Variants in CDON observed in about 807,000 individuals in gnomAD.
CDON encodes the protein cell adhesion associated, oncogene regulated, also known as cell adhesion molecule-related/down-regulated by oncogenes.
A neutral mutation model predicts 120.9 loss-of-function variants in CDON; 73 were observed. The ratio of observed to expected loss-of-function variants is 0.60; its 90% confidence interval spans 0.50 to 0.73. The LOEUF (loss-of-function observed/expected upper bound fraction) is 0.73. Ranked by LOEUF, CDON falls within the 30% of genes least tolerant of loss-of-function variation. CDON has a pLI of 0.00. For synonymous variants in CDON, 566 were observed against 573.5 expected, an observed-to-expected ratio of 0.99 and a Z score of 0.19; for missense variants, 1,470 against 1,587.3, an observed-to-expected ratio of 0.93 and a Z score of 1.26.
chr11:126,011,403 C>G (rs1380036829), intron 7 of CDON, among the ~76,000 whole-genome samples: 2 of 152,200 alleles, frequency 1.3e-5, no homozygotes, highest in Admixed American at 1.3e-4. Flanking sequence ...ACAACTGATA[C>G]CGGATTTCTG....
chr11:126,048,808 A>G (rs992320618), intron 1 of CDON, among the ~76,000 whole-genome samples: 6 of 152,156 alleles, frequency 3.9e-5, no homozygotes, highest in Admixed American at 3.9e-4. Context: ...GGTTCAAGCA[A>G]TTCTCCTGCC....
At chr11:125,971,149 C>A (rs533996767) in intron 18 of CDON, among the ~76,000 whole-genome samples, 1 of 151,986 alleles carries the variant, frequency 6.6e-6, no homozygotes, top group Non-Finnish European at 1.5e-5. Flanking sequence ...TTTGGGGGGC[C>A]AAGGCGGGCG....
intron 18 of CDON, among the ~76,000 whole-genome samples, chr11:125,976,934 T>A (rs769134820): frequency 5.9e-5 from 9 of 152,174 alleles, no homozygotes; most frequent in Admixed American, 2.0e-4. Flanking sequence ...AGACCAGAGA[T>A]CCTGTCGTTA....
intron 1 of CDON, among the ~76,000 whole-genome samples, chr11:126,030,374 A>G (rs1947911372): frequency 6.6e-6 from 1 of 152,204 alleles, no homozygotes; most frequent in Non-Finnish European, 1.5e-5. Flanking sequence ...TTTCATAAGG[A>G]TGATGAAGGC....
chr11:126,056,277 T>C (rs1160982365), intron 1 of CDON, among the ~76,000 whole-genome samples: 1 of 152,200 alleles, frequency 6.6e-6, no homozygotes, highest in Non-Finnish European at 1.5e-5. Context: ...TGAGGACGCC[T>C]ATAGATCAAA....
intron 1 of CDON, among the ~76,000 whole-genome samples, chr11:126,053,600 C>T (rs558062322): frequency 9.8e-5 from 15 of 152,286 alleles, no homozygotes; most frequent in Non-Finnish European, 1.8e-4. Context: ...CATACATAAT[C>T]ACATTCAGAC....
At chr11:126,031,832 C>T (rs1947952559) in intron 1 of CDON, among the ~76,000 whole-genome samples, 1 of 152,206 alleles carries the variant, frequency 6.6e-6, no homozygotes, top group Admixed American at 6.5e-5. Context: ...TCTACACCAC[C>T]CGTGAAGGAA....
intron 16 of CDON, among the ~76,000 whole-genome samples, chr11:125,982,574 GT>G (rs1463379600): frequency 6.6e-6 from 1 of 152,150 alleles, no homozygotes; most frequent in African/African-American, 2.4e-5. Flanking sequence ...GAGGGCAGAG[GT>G]GGTGTTTATT....
chr11:125,980,213 C>A (rs567092583), intron 17 of CDON, among the ~76,000 whole-genome samples: 1 of 152,130 alleles, frequency 6.6e-6, no homozygotes, highest in Non-Finnish European at 1.5e-5. Flanking sequence ...GAGAACCCCA[C>A]GTAAGTCTAA....
chr11:126,046,684 C>G (rs2134875394), intron 1 of CDON, among the ~76,000 whole-genome samples: 1 of 152,162 alleles, frequency 6.6e-6, no homozygotes, highest in Non-Finnish European at 1.5e-5. Flanking sequence ...TTACTAAATC[C>G]CAATCTTCAA....
At position 126,010,531 on chromosome 11, in the gene CDON, T is replaced by A; in HGVS notation, c.1362A>T (p.Arg454Ser). ...LITSHPSQVL[R>S]SKSRKSQLSR... ...ATAACTGTGATTTTCGGGATTTCGA[T>A]CTCAGGACTTGAGATGGATGGCTGG... The change falls in exon 8 of 20, where the codon AGA (arginine) becomes AGT (serine). Residue 454 changes from arginine (R) to serine (S), a missense_variant. Transcript: ENST00000531738. 1.2e-6 allele frequency: 2 copies of A among 1,614,134 alleles called. No homozygotes were observed. Among genetic ancestry groups the A allele is most frequent in the South Asian group, 2.2e-5 (2 of 91,086 alleles).
rs113204735 is a variant in CDON, at chr11:126,000,510, G to T, written c.2158+1209C>A. On this transcript the variant is annotated intron_variant, in intron 11 of 19. Transcript: ENST00000531738. ...GGCGTGAGCCACTGTGCACCACCAT[G>T]CTAGGCCTATATTGTAAACTTCTTA... Among the ~76,000 whole-genome samples the T allele has an allele frequency of 3.2e-3, 489 of 152,312 alleles. 9 individuals are homozygous for T. Among genetic ancestry groups the T allele is most frequent in the African/African-American group, 0.011 (469 of 41,580 alleles).
In CDON at chr11:126,016,857, C is replaced by A. The variant is rs75208021; in HGVS notation, c.928+231G>T. Among the ~76,000 whole-genome samples the A allele has an allele frequency of 7.7e-3, 1,166 of 152,116 alleles. 21 individuals are homozygous for A. Among genetic ancestry groups the A allele is most frequent in the African/African-American group, 0.027 (1,116 of 41,488 alleles). ...AAGGGAGAATAATTTCTATATTGTA[C>A]AACGAGGTTGGGGGTGAGGTTCCGA... On this transcript the variant is annotated intron_variant, in intron 6 of 19. Coordinates refer to ENST00000531738, the MANE Select transcript of CDON (RefSeq NM_001378964.1).
intron 1 of CDON, among the ~76,000 whole-genome samples, chr11:126,024,783 AGAG>A (rs1591399793): frequency 6.6e-6 from 1 of 152,286 alleles, no homozygotes; most frequent in East Asian, 1.9e-4. Context: ...AGGACTGAGG[AGAG>A]GAGAAGAGAT....
chr11:125,980,902 T>C, intron 17 of CDON, 147 bp downstream of exon 17: 1 of 749,776 alleles, frequency 1.3e-6, no homozygotes, highest in South Asian at 1.6e-5. Flanking sequence ...CTACTCTGGA[T>C]CAAAGGGCTG....
chr11:126,033,695 C>T (rs185672874), intron 1 of CDON, among the ~76,000 whole-genome samples: 5 of 152,118 alleles, frequency 3.3e-5, no homozygotes, highest in Admixed American at 2.0e-4. Flanking sequence ...TGATTAGGGA[C>T]GGTCTTCATG....
chr11:126,026,521 A>G (rs2134726743), intron 1 of CDON, among the ~76,000 whole-genome samples: 1 of 152,372 alleles, frequency 6.6e-6, no homozygotes, highest in South Asian at 2.1e-4. Context: ...CACCTTAAGT[A>G]CAGCTTTTAA....
chr11:125,960,821 C>CA lies in CDON; in HGVS notation c.*120dup. The CA allele has an allele frequency of 2.1e-6, 2 of 963,304 alleles. No individual in the cohort carries two copies. The highest frequency in any genetic ancestry group is 1.6e-5 in the African/African-American group (1 of 62,256). 59.7% of individuals were successfully genotyped at this position (963,304 alleles called of 1,614,324 possible). On this transcript the variant is annotated 3_prime_UTR_variant, in exon 20 of 20. Coordinates refer to ENST00000531738, the MANE Select transcript of CDON (RefSeq NM_001378964.1). ...ATACATTCATATGACATTACTACTA[C>CA]AAAAAAATAAATAATGATTTTCTCT... is the stretch of plus-strand genomic sequence containing the variant.
chr11:126,004,268 A>G (rs1947052282), intron 9 of CDON, 192 bp from the exon 10 acceptor site: 2 of 638,012 alleles, frequency 3.1e-6, no homozygotes, highest in Admixed American at 4.8e-5. Context: ...AGAACGCTGC[A>G]ATTCTCACTG....
Sources: allele counts gnomAD v4.1 joint callset (sites outside exome capture counted in the v4.1 genomes callset), GRCh38; gene constraint gnomAD v4.1.1; transcripts MANE v1.5; gene names NCBI Gene and HGNC (gene_info 2026-07-23, HGNC 2026-07-21).